The following SEPTIN11 variants were observed in gnomAD, a reference collection of about 807,000 sequenced individuals.
SEPTIN11 encodes septin-11.
SEPTIN11 carries 25 observed loss-of-function variants against 51.4 expected under a neutral mutation model. That is an observed-to-expected ratio of 0.49 (90% CI 0.35 to 0.68). SEPTIN11 has a LOEUF of 0.68. Among genes scored for constraint, SEPTIN11 ranks in the 30% least tolerant of loss-of-function variants. The pLI, the probability that SEPTIN11 is intolerant of heterozygous loss-of-function variation, is 0.00. For synonymous variants in SEPTIN11, 174 were observed against 184.1 expected, an observed-to-expected ratio of 0.95 and a Z score of 0.44; for missense variants, 381 against 520.8, an observed-to-expected ratio of 0.73 and a Z score of 2.61.
chr4:77,024,425 TCTCCTTCCTCCAGAC>T lies in SEPTIN11; in HGVS notation c.953+3757_953+3771del, dbSNP rs1725958342. Among the ~76,000 whole-genome samples, 3 of 150,658 alleles carry T rather than the reference TCTCCTTCCTCCAGAC, an allele frequency of 2.0e-5. No homozygotes were observed. The highest frequency in any genetic ancestry group is 7.4e-5 in the African/African-American group (3 of 40,396). ...ACCCATGCTTCCCTGGACCCAGGCGTCTCCTTCCTCCAGACCCCAGCCCCTTTCTGGCTGGCATTA... is the reference window on the plus strand; with the variant it reads ...ACCCATGCTTCCCTGGACCCAGGCGTCCCAGCCCCTTTCTGGCTGGCATTA... On this transcript the variant is annotated intron_variant, in intron 7 of 9. Coordinates refer to ENST00000264893, the MANE Select transcript of SEPTIN11 (RefSeq NM_018243.4). The surrounding 1 kb of genome is among the most constrained non-coding windows in gnomAD (Gnocchi z 4.2).
intron 1 of SEPTIN11, among the ~76,000 whole-genome samples, chr4:76,979,589 A>AG (rs1359012318): frequency 6.6e-6 from 1 of 152,178 alleles, no homozygotes; most frequent in Non-Finnish European, 1.5e-5. Flanking sequence ...GGTTTTTAAA[A>AG]GGGCAAACAA....
At chr4:77,012,699 T>A (rs1318318770) in intron 4 of SEPTIN11, among the ~76,000 whole-genome samples, 1 of 152,222 alleles carries the variant, frequency 6.6e-6, no homozygotes, top group Non-Finnish European at 1.5e-5. Context: ...ACAACACTGA[T>A]AAAGATGCTG....
At position 77,020,684 on chromosome 4, in the gene SEPTIN11, T is replaced by C; in HGVS notation, c.953+14T>C. 6.2e-7 allele frequency: 1 copy of C among 1,611,814 alleles called. No individual in the cohort carries two copies. Among genetic ancestry groups the C allele is most frequent in the Non-Finnish European group, 8.5e-7 (1 of 1,178,538 alleles). On this transcript the variant is annotated intron_variant, in intron 7 of 9. Transcript: ENST00000264893. Reference sequence around the variant, plus strand: ...CAAACCCTTCAGGTATGAAGGCATCTAGCAATCAGGTGTCTCCCAGACAGT... The same window carrying C: ...CAAACCCTTCAGGTATGAAGGCATCCAGCAATCAGGTGTCTCCCAGACAGT...
intron 5 of SEPTIN11, among the ~76,000 whole-genome samples, chr4:77,018,920 A>G (rs1725498204): frequency 6.6e-6 from 1 of 152,250 alleles, no homozygotes; most frequent in African/African-American, 2.4e-5. Flanking sequence ...GGCTAGCACA[A>G]GTCTTAAGCT....
intron 1 of SEPTIN11, chr4:76,987,817 C>T (rs962244650): frequency 1.6e-5 from 16 of 979,588 alleles, no homozygotes; most frequent in Non-Finnish European, 1.9e-5. Context: ...AGCTCAGAGG[C>T]GTCTGTACTA....
At chr4:77,039,682 G>C (rs1348941794), downstream of SEPTIN11, 1 of 985,094 alleles carries the variant, frequency 1.0e-6, no homozygotes, top group African/African-American at 1.7e-5. Context: ...TGCATGAACA[G>C]AGATGGCTGC....
chr4:76,995,806 T>G, intron 1 of SEPTIN11: 1 of 1,531,294 alleles, frequency 6.5e-7, no homozygotes, highest in Non-Finnish European at 8.7e-7. Context: ...TCTGCAAAAC[T>G]CCAGCAGTTA....
chr4:76,957,905 T>A (rs1212034225), intron 1 of SEPTIN11, among the ~76,000 whole-genome samples: 1 of 152,160 alleles, frequency 6.6e-6, no homozygotes, highest in African/African-American at 2.4e-5. Context: ...TTACCTTTTT[T>A]AAAAAAAGTG....
chr4:77,020,693 G>C lies in SEPTIN11; in HGVS notation c.953+23G>C, dbSNP rs772300779. 8 of 1,609,888 alleles carry C rather than the reference G, an allele frequency of 5.0e-6. No individual in the cohort carries two copies. The East Asian group carries it at 1.8e-4, about 36-fold the overall frequency. On this transcript the variant is annotated intron_variant, in intron 7 of 9. Coordinates refer to ENST00000264893, the MANE Select transcript of SEPTIN11 (RefSeq NM_018243.4). The stretch of plus-strand genomic sequence containing the variant: ...CAGGTATGAAGGCATCTAGCAATCA[G>C]GTGTCTCCCAGACAGTGGCGAGAGT...
chr4:76,987,210 G>A (rs760716849), intron 1 of SEPTIN11, among the ~76,000 whole-genome samples: 2 of 152,168 alleles, frequency 1.3e-5, no homozygotes, highest in East Asian at 1.9e-4. Context: ...CAGCTGGGCC[G>A]CACTGAGAAG....
At chr4:76,952,560 A>G (rs548787760) in intron 1 of SEPTIN11, among the ~76,000 whole-genome samples, 5 of 152,326 alleles carry the variant, frequency 3.3e-5, no homozygotes, top group Non-Finnish European at 5.9e-5. Flanking sequence ...ACTATTTTCT[A>G]TCTTATGAAA....
chr4:76,990,868 G>C (rs768641941), intron 1 of SEPTIN11, among the ~76,000 whole-genome samples: 10 of 152,200 alleles, frequency 6.6e-5, no homozygotes. Flanking sequence ...CTTCCCAGCT[G>C]GGGAGGATGT....
rs181544824 is a variant in SEPTIN11 at position 77,001,592 on chromosome 4, C to T, written c.143-4009C>T. On this transcript the variant is annotated intron_variant, in intron 2 of 9. Coordinates refer to ENST00000264893, the MANE Select transcript of SEPTIN11 (RefSeq NM_018243.4). ...CTCGAACTCCTGACCTCAGGTGATC[C>T]GCCTGCCTCAGCCTCCCAGAGTGTT... 3.8e-3 allele frequency among the ~76,000 whole-genome samples: 586 copies of T among 152,230 alleles called. 6 individuals carry two copies. Among genetic ancestry groups the T allele is most frequent in the African/African-American group, 0.014 (570 of 41,528 alleles).
chr4:77,011,583 G>A (rs1291087265), intron 3 of SEPTIN11, 152 bp from the exon 4 acceptor site: 36 of 610,042 alleles, frequency 5.9e-5, no homozygotes, highest in South Asian at 6.1e-5. Context: ...AGCCTGGAGC[G>A]CTGTTCAGGG....
intron 7 of SEPTIN11, among the ~76,000 whole-genome samples, chr4:77,023,767 G>A (rs1279145219): frequency 6.6e-6 from 1 of 152,162 alleles, no homozygotes; most frequent in African/African-American, 2.4e-5. Flanking sequence ...GAGGAATGGA[G>A]TGAGGTGACT....
At chr4:77,032,733 C>G (rs935035403) in intron 9 of SEPTIN11, among the ~76,000 whole-genome samples, 1 of 152,196 alleles carries the variant, frequency 6.6e-6, no homozygotes, top group African/African-American at 2.4e-5. Flanking sequence ...TTCCAAAAGA[C>G]CAGCAATGTT....
intron 1 of SEPTIN11, among the ~76,000 whole-genome samples, chr4:76,952,913 C>T (rs907361109): frequency 2.6e-5 from 4 of 152,198 alleles, no homozygotes; most frequent in African/African-American, 9.7e-5. Context: ...TGGCAATTTA[C>T]TCTACTTGGG....
chr4:77,011,990 G>A (rs1724896917), intron 4 of SEPTIN11, 69 bp downstream of exon 4: 2 of 1,373,334 alleles, frequency 1.5e-6, no homozygotes, highest in African/African-American at 2.9e-5. Flanking sequence ...GCCCTAATTT[G>A]TTCTCTGCTT....
At position 76,984,113 on chromosome 4, in the gene SEPTIN11, T is replaced by C. The variant is rs565708787; in HGVS notation, c.28-12312T>C. On this transcript the variant is annotated intron_variant, in intron 1 of 9. Coordinates refer to ENST00000264893, the MANE Select transcript of SEPTIN11 (RefSeq NM_018243.4). The surrounding 1 kb of genome is among the most constrained non-coding windows in gnomAD (Gnocchi z 4.1). ...CAAGACCAGATGTTAATTGGTATGT[T>C]TATTTCCTCAATATGTATCATGGTT... 1.3e-5 allele frequency among the ~76,000 whole-genome samples: 2 copies of C among 152,238 alleles called. No individual in the cohort carries two copies. The highest frequency in any genetic ancestry group is 3.9e-4 in the East Asian group (2 of 5,188).
Sources: gnomAD v4.1 joint callset for allele counts (sites outside exome capture counted in the v4.1 genomes callset) on GRCh38, gnomAD v4.1.1 for gene constraint, Gnocchi (gnomAD v3.1) non-coding constraint, MANE v1.5 for transcripts, NCBI Gene and HGNC (gene_info 2026-07-23, HGNC 2026-07-21) for gene names.